The following GRID2 variants were observed in gnomAD, a reference collection of about 807,000 sequenced individuals.
The protein encoded by GRID2 is glutamate ionotropic receptor delta type subunit 2.
A neutral mutation model predicts 114.8 loss-of-function variants in GRID2; 33 were observed. That is an observed-to-expected ratio of 0.29 (90% CI 0.22 to 0.38). The LOEUF (loss-of-function observed/expected upper bound fraction) is 0.38. GRID2 is among the 10% of genes least tolerant of loss of function. The pLI is 1.00. For missense variants in GRID2, 1,184 were observed against 1,257.7 expected (o/e 0.94, Z 0.89); for synonymous variants, 505 against 449.9 (o/e 1.12, Z -1.55).
At chr4:92,660,837 T>C (rs1732479055) in intron 2 of GRID2, among the ~76,000 whole-genome samples, 1 of 151,252 alleles carries the variant, frequency 6.6e-6, no homozygotes, top group Non-Finnish European at 1.5e-5. Flanking sequence ...GATGATTTCA[T>C]TGTAGCATTT....
chr4:93,224,926 G>C (rs1579342702), intron 7 of GRID2, 151 bp downstream of exon 7: 1 of 597,536 alleles, frequency 1.7e-6, no homozygotes, highest in East Asian at 2.9e-5. Flanking sequence ...AAAGGTGAGA[G>C]AGTCATCAAC....
At chr4:92,710,288 A>G (rs756064644) in intron 2 of GRID2, among the ~76,000 whole-genome samples, 1 of 152,130 alleles carries the variant, frequency 6.6e-6, no homozygotes, top group Non-Finnish European at 1.5e-5. Context: ...AGAAAATAGT[A>G]AGTACTAAAT....
At chr4:92,497,830 T>C (rs558064188) in intron 1 of GRID2, among the ~76,000 whole-genome samples, 2 of 151,988 alleles carry the variant, frequency 1.3e-5, no homozygotes, top group Admixed American at 6.6e-5. Context: ...ATTTAGTACA[T>C]ATTTAAAAAT....
chr4:93,734,525 A>C (rs1265462158), intron 14 of GRID2, among the ~76,000 whole-genome samples: 1 of 152,034 alleles, frequency 6.6e-6, no homozygotes, highest in East Asian at 1.9e-4. Context: ...CTTTCCCAAC[A>C]TAAAATTAAA....
chr4:93,140,218 G>T lies in GRID2; in HGVS notation c.735+29265G>T, dbSNP rs1735645479. Among the ~76,000 whole-genome samples the T allele has an allele frequency of 1.4e-5, 2 of 144,370 alleles. 1 individual carries two copies. Among genetic ancestry groups the T allele is most frequent in the South Asian group, 4.3e-4 (2 of 4,628 alleles). The allele number at this position is 144,370 out of a possible 152,430, so 94.7% of individuals were successfully genotyped here. A position where few individuals can be genotyped will look rare whatever the true frequency, so the allele number is the denominator to read the frequency against. Reference sequence around the variant, plus strand: ...CTGTCACCCAGGCTCGAGTGCAGTGGCAGGACCACCGCTCACTGCAAGCTA... The same window carrying T: ...CTGTCACCCAGGCTCGAGTGCAGTGTCAGGACCACCGCTCACTGCAAGCTA... On this transcript the variant is annotated intron_variant, in intron 4 of 15. Transcript: ENST00000282020.
At chr4:92,869,624 G>A (rs1038875607) in intron 2 of GRID2, among the ~76,000 whole-genome samples, 3 of 152,122 alleles carry the variant, frequency 2.0e-5, no homozygotes, top group South Asian at 2.1e-4. Context: ...TATAAAGCCC[G>A]ACATTATCCC....
intron 13 of GRID2, among the ~76,000 whole-genome samples, chr4:93,589,772 G>A (rs1248679446): frequency 6.6e-6 from 1 of 152,136 alleles, no homozygotes; most frequent in Non-Finnish European, 1.5e-5. Flanking sequence ...GTATCTCCTT[G>A]TGGTTTTGAT....
intron 2 of GRID2, among the ~76,000 whole-genome samples, chr4:93,017,395 A>C (rs1722851455): frequency 6.6e-6 from 1 of 152,196 alleles, no homozygotes; most frequent in Admixed American, 6.6e-5. Context: ...TAAGTATGAA[A>C]TTTATTGGAG....
chr4:92,807,114 G>A (rs1463794583), intron 2 of GRID2, among the ~76,000 whole-genome samples: 1 of 151,962 alleles, frequency 6.6e-6, no homozygotes, highest in Non-Finnish European at 1.5e-5. Flanking sequence ...CAGGTTATAT[G>A]ATCATGCCTC....
chr4:93,197,754 T>C (rs1028337432), intron 4 of GRID2, among the ~76,000 whole-genome samples: 2 of 152,152 alleles, frequency 1.3e-5, no homozygotes, highest in Admixed American at 6.5e-5. Flanking sequence ...GTATGTAACA[T>C]ACCTTGTTAC....
intron 9 of GRID2, among the ~76,000 whole-genome samples, chr4:93,399,456 G>T (rs938356891): frequency 6.6e-6 from 1 of 152,100 alleles, no homozygotes; most frequent in African/African-American, 2.4e-5. Flanking sequence ...AATAAGTGGT[G>T]CTCTCAAACA....
chr4:93,149,424 A>C (rs997151257), intron 4 of GRID2, among the ~76,000 whole-genome samples: 2 of 152,022 alleles, frequency 1.3e-5, no homozygotes, highest in Non-Finnish European at 2.9e-5. Flanking sequence ...AAATACAAAA[A>C]AATTAGCCAA....
At chr4:92,573,318 T>A (rs910855567) in intron 1 of GRID2, among the ~76,000 whole-genome samples, 3 of 152,220 alleles carry the variant, frequency 2.0e-5, no homozygotes, top group African/African-American at 7.2e-5. Flanking sequence ...CTCCTTCAGT[T>A]CTGCTCTGAT....
At chr4:92,898,909 T>G (rs1747364068) in intron 2 of GRID2, among the ~76,000 whole-genome samples, 1 of 152,146 alleles carries the variant, frequency 6.6e-6, no homozygotes, top group Non-Finnish European at 1.5e-5. Context: ...GTTAAAAAAT[T>G]AATAGTAACA....
At chr4:92,386,411 G>A (rs1218985906) in intron 1 of GRID2, among the ~76,000 whole-genome samples, 1 of 151,680 alleles carries the variant, frequency 6.6e-6, no homozygotes, top group Admixed American at 6.6e-5. Context: ...CTAATGTATG[G>A]CTGTTAAAAA....
chr4:93,736,112 T>C (rs939450594), intron 14 of GRID2, among the ~76,000 whole-genome samples: 1 of 151,994 alleles, frequency 6.6e-6, no homozygotes, highest in Non-Finnish European at 1.5e-5. Flanking sequence ...ACTGGAAAAT[T>C]CTAAGTTTAT....
intron 3 of GRID2, among the ~76,000 whole-genome samples, chr4:93,110,518 A>T (rs1484743828): frequency 6.6e-6 from 1 of 152,180 alleles, no homozygotes; most frequent in East Asian, 1.9e-4. Context: ...GGTTCCATGT[A>T]GATAGAAAGA....
intron 13 of GRID2, among the ~76,000 whole-genome samples, chr4:93,571,956 A>G (rs1478059752): frequency 1.3e-5 from 2 of 152,180 alleles, no homozygotes; most frequent in Non-Finnish European, 2.9e-5. Flanking sequence ...TTAATCGCAG[A>G]AAAGGTTTCA....
At chr4:93,180,801 A>G (rs1739821877) in intron 4 of GRID2, among the ~76,000 whole-genome samples, 1 of 152,128 alleles carries the variant, frequency 6.6e-6, no homozygotes, top group African/African-American at 2.4e-5. Flanking sequence ...GATTGCAGGA[A>G]TCCAGTCACA....
Sources: gnomAD v4.1 joint callset for allele counts (sites outside exome capture counted in the v4.1 genomes callset) on GRCh38, gnomAD v4.1.1 for gene constraint, MANE v1.5 for transcripts, NCBI Gene and HGNC (gene_info 2026-07-23, HGNC 2026-07-21) for gene names.